Variants in PXDNL observed in about 807,000 individuals in gnomAD.
PXDNL encodes probable oxidoreductase PXDNL.
A neutral mutation model predicts 150.8 loss-of-function variants in PXDNL; 145 were observed. The observed-to-expected ratio is 0.96, with a 90% CI of 0.84 to 1.10. PXDNL has a LOEUF of 1.10. Ranked by LOEUF, PXDNL falls within the 50% of genes least tolerant of loss-of-function variation. The probability of loss-of-function intolerance (pLI) is 0.00; values close to 1 mark genes in which losing one functional copy is unlikely to be tolerated. For missense variants in PXDNL, 2,087 were observed against 1,873.9 expected (o/e 1.11, Z -2.10); for synonymous variants, 757 against 725.7 (o/e 1.04, Z -0.69).
At chr8:51,644,219 G>T (rs1354790128) in intron 2 of PXDNL, among the ~76,000 whole-genome samples, 3 of 147,036 alleles carry the variant, frequency 2.0e-5, no homozygotes, top group African/African-American at 7.4e-5. Context: ...GATCACATTT[G>T]ATCAGAGAAC....
Position 51,494,654 on chromosome 8 carries a change from A to C in PXDNL, c.452+5045T>G, listed in dbSNP as rs567989298. 5.7e-3 allele frequency among the ~76,000 whole-genome samples: 870 copies of C among 152,262 alleles called. 11 individuals carry two copies. The highest frequency in any genetic ancestry group is 0.02 in the African/African-American group (830 of 41,564). ...CCTAGTCTATGATAAAACAGACTTT[A>C]AACCAACAAAGATCAAAAGAGACAA... On this transcript the variant is annotated intron_variant, in intron 5 of 22. Transcript: ENST00000356297.
intron 4 of PXDNL, among the ~76,000 whole-genome samples, chr8:51,535,599 C>G (rs2130456742): frequency 7.5e-6 from 1 of 133,222 alleles, no homozygotes; most frequent in African/African-American, 3.1e-5. Context: ...GCAGGGTCCT[C>G]TGCCTAGGAA....
chr8:51,801,198 TTGAGA>T (rs1258142068), intron 1 of PXDNL, among the ~76,000 whole-genome samples: 4 of 152,094 alleles, frequency 2.6e-5, no homozygotes, highest in Non-Finnish European at 4.4e-5. Flanking sequence ...TCCTATGTGG[TTGAGA>T]TAAGGACTGA....
At chr8:51,436,549 C>A in intron 12 of PXDNL, 1 of 240,490 alleles carries the variant, frequency 4.2e-6, no homozygotes, top group Non-Finnish European at 8.6e-6. Context: ...AAAATCAACT[C>A]CAAAAGGATC....
At chr8:51,453,288 C>T (rs1809850264) in intron 10 of PXDNL, among the ~76,000 whole-genome samples, 2 of 152,148 alleles carry the variant, frequency 1.3e-5, no homozygotes, top group Admixed American at 6.5e-5. Flanking sequence ...ATGACTCCAT[C>T]TCTTTTGTTG....
intron 22 of PXDNL, among the ~76,000 whole-genome samples, chr8:51,320,458 G>A (rs2130593673): frequency 6.6e-6 from 1 of 152,324 alleles, no homozygotes; most frequent in East Asian, 1.9e-4. Context: ...TAATGAGCCT[G>A]ACTGAAGAAT....
intron 1 of PXDNL, among the ~76,000 whole-genome samples, chr8:51,770,239 A>T (rs2037278276): frequency 6.6e-6 from 1 of 152,212 alleles, no homozygotes; most frequent in Non-Finnish European, 1.5e-5. Flanking sequence ...CAAACTTGTC[A>T]TGTCAGCAAT....
chr8:51,625,738 G>A (rs1814349848), intron 2 of PXDNL, among the ~76,000 whole-genome samples: 1 of 152,118 alleles, frequency 6.6e-6, no homozygotes, highest in South Asian at 2.1e-4. Context: ...AAAATAGAGG[G>A]AAATTAAAAT....
At chr8:51,647,002 T>C (rs186466738) in intron 2 of PXDNL, among the ~76,000 whole-genome samples, 5 of 152,258 alleles carry the variant, frequency 3.3e-5, no homozygotes, top group Admixed American at 2.0e-4. Flanking sequence ...ATAGATATAC[T>C]GTAAAAAGGA....
At chr8:51,801,290 C>T (rs1338297228) in intron 1 of PXDNL, among the ~76,000 whole-genome samples, 1 of 151,970 alleles carries the variant, frequency 6.6e-6, no homozygotes, top group East Asian at 2.0e-4. Flanking sequence ...AATTTGAGGT[C>T]AGACCAGTTC....
chr8:51,702,639 C>A (rs1188016299), intron 1 of PXDNL, among the ~76,000 whole-genome samples: 1 of 152,134 alleles, frequency 6.6e-6, no homozygotes. Flanking sequence ...GTGCCTCAAT[C>A]TCCCCATCTA....
chr8:51,749,442 T>C (rs1424470000), intron 1 of PXDNL, among the ~76,000 whole-genome samples: 1 of 152,196 alleles, frequency 6.6e-6, no homozygotes, highest in African/African-American at 2.4e-5. Context: ...CTGAATACTG[T>C]AGGAAACTGA....
chr8:51,593,289 A>G (rs549200114), intron 2 of PXDNL, among the ~76,000 whole-genome samples: 37 of 152,320 alleles, frequency 2.4e-4, no homozygotes, highest in Middle Eastern at 3.4e-3. Context: ...CAAGTTACTG[A>G]AAAATCAACT....
At chr8:51,490,826 T>C (rs1470697634) in intron 5 of PXDNL, among the ~76,000 whole-genome samples, 1 of 151,836 alleles carries the variant, frequency 6.6e-6, no homozygotes, top group Non-Finnish European at 1.5e-5. Flanking sequence ...TGATATCTCC[T>C]ACAGTTGAAA....
At chr8:51,379,022 C>T (rs1427830366) in intron 17 of PXDNL, among the ~76,000 whole-genome samples, 1 of 152,140 alleles carries the variant, frequency 6.6e-6, no homozygotes, top group East Asian at 1.9e-4. Flanking sequence ...TCAAGGGCTC[C>T]TCTTGCCACA....
chr8:51,613,201 C>T (rs1343310040), intron 2 of PXDNL, among the ~76,000 whole-genome samples: 2 of 150,994 alleles, frequency 1.3e-5, no homozygotes, highest in Admixed American at 6.6e-5. Context: ...TCACTGTTCA[C>T]CAAAAAAAAT....
intron 1 of PXDNL, among the ~76,000 whole-genome samples, chr8:51,741,310 C>A (rs1265144520): frequency 6.6e-6 from 1 of 152,116 alleles, no homozygotes; most frequent in African/African-American, 2.4e-5. Flanking sequence ...AAGTCTAAGT[C>A]TCTTTGTATG....
At chr8:51,635,611 A>G (rs979523888) in intron 2 of PXDNL, among the ~76,000 whole-genome samples, 7 of 152,028 alleles carry the variant, frequency 4.6e-5, no homozygotes, top group African/African-American at 1.7e-4. Context: ...TAAATAAAAT[A>G]GAGAAATTAT....
In PXDNL at chr8:51,408,652, T is replaced by G. The variant is rs1233414080; in HGVS notation, c.2972A>C (p.His991Pro). ...MATELSALNP[H>P]WEGNTVYQEA... ...CTGGTAAACCGTGTTTCCCTCCCAG[T>G]GGGGGTTCAGGGCGGACAGCTCCGT... Residue 991 changes from histidine (H) to proline (P), a missense_variant, in exon 17 of 23, where the codon CAC (histidine) becomes CCC (proline). Coordinates refer to ENST00000356297, the MANE Select transcript of PXDNL (RefSeq NM_144651.5). 1.2e-6 allele frequency: 2 copies of G among 1,605,758 alleles called. No homozygotes were observed. The highest frequency in any genetic ancestry group is 1.1e-5 in the South Asian group (1 of 89,638).
Sources: gnomAD v4.1 joint callset for allele counts (sites outside exome capture counted in the v4.1 genomes callset) on GRCh38, gnomAD v4.1.1 for gene constraint, MANE v1.5 for transcripts, NCBI Gene and HGNC (gene_info 2026-07-23, HGNC 2026-07-21) for gene names.